The following ANKRD31 variants were observed in gnomAD, a reference collection of about 807,000 sequenced individuals.
ANKRD31 encodes the protein ankyrin repeat domain 31.
In ANKRD31, 147 loss-of-function variants were observed where a neutral mutation model predicts 186.0. That is an observed-to-expected ratio of 0.79 (90% CI 0.69 to 0.91). ANKRD31 has a LOEUF of 0.91. Ranked by LOEUF, ANKRD31 falls within the 40% of genes least tolerant of loss-of-function variation. The probability of loss-of-function intolerance (pLI) is 0.00; values close to 1 mark genes in which losing one functional copy is unlikely to be tolerated. For missense variants in ANKRD31, 1,986 were observed against 2,148.8 expected (o/e 0.92, Z 1.50); for synonymous variants, 673 against 736.4 (o/e 0.91, Z 1.39).
At chr5:75,089,414 C>G (rs1745759246) in intron 23 of ANKRD31, among the ~76,000 whole-genome samples, 1 of 152,186 alleles carries the variant, frequency 6.6e-6, no homozygotes, top group Admixed American at 6.5e-5. Context: ...GACCACCAAC[C>G]ACTCCTGGTC....
At chr5:75,103,169 A>T (rs1245029978) in intron 22 of ANKRD31, among the ~76,000 whole-genome samples, 1 of 152,200 alleles carries the variant, frequency 6.6e-6, no homozygotes, top group Non-Finnish European at 1.5e-5. Flanking sequence ...CCATTTATTA[A>T]ATAGGGAATC....
chr5:75,228,372 C>CT (rs1757758931), intron 2 of ANKRD31, among the ~76,000 whole-genome samples: 1 of 152,060 alleles, frequency 6.6e-6, no homozygotes. Context: ...AATTTTATAA[C>CT]TTTTTTTGTA....
At chr5:75,100,135 T>C (rs939824245) in intron 22 of ANKRD31, among the ~76,000 whole-genome samples, 1 of 152,218 alleles carries the variant, frequency 6.6e-6, no homozygotes, top group African/African-American at 2.4e-5. Flanking sequence ...TCTGTTCTCA[T>C]TGGTTTCCAA....
At chr5:75,110,152 G>A (rs1747654054) in intron 20 of ANKRD31, among the ~76,000 whole-genome samples, 1 of 152,130 alleles carries the variant, frequency 6.6e-6, no homozygotes, top group African/African-American at 2.4e-5. Flanking sequence ...ACAAAAACCT[G>A]GGGGTGGTGG....
intron 22 of ANKRD31, among the ~76,000 whole-genome samples, chr5:75,093,162 T>A (rs1319001980): frequency 6.6e-6 from 1 of 151,752 alleles, no homozygotes; most frequent in African/African-American, 2.4e-5. Context: ...GCAGAAAAAA[T>A]ATTTGAAGAA....
At chr5:75,157,769 C>T (rs1340372093) in intron 11 of ANKRD31, among the ~76,000 whole-genome samples, 1 of 152,098 alleles carries the variant, frequency 6.6e-6, no homozygotes, top group Admixed American at 6.6e-5. Flanking sequence ...GGTAAACTCA[C>T]AAGGTTTTTT....
At position 75,146,305 on chromosome 5, in the gene ANKRD31, C is replaced by T. The variant is rs1286488971; in HGVS notation, c.3106G>A (p.Asp1036Asn). 3.3e-6 allele frequency: 5 copies of T among 1,536,456 alleles called. No homozygotes were observed. Among genetic ancestry groups the T allele is most frequent in the Non-Finnish European group, 4.4e-6 (5 of 1,146,448 alleles). The change falls in exon 14 of 26, where the codon GAT becomes AAT. Residue 1036 changes from aspartate to asparagine, a missense_variant. Coordinates refer to ENST00000506364, the MANE Select transcript of ANKRD31 (RefSeq NM_001372053.1). Reference protein sequence around the residue: ...NHVELFKKPQDYIPRAPTFLM... With the variant: ...NHVELFKKPQNYIPRAPTFLM... Reference sequence around the variant, plus strand: ...AAAGTTGGTGCTCTGGGAATATAATCCTGTGGCTTTTTGAATAGCTCCACA... The same window carrying T: ...AAAGTTGGTGCTCTGGGAATATAATTCTGTGGCTTTTTGAATAGCTCCACA...
At chr5:75,235,747 C>T (rs1758229115) in intron 1 of ANKRD31, among the ~76,000 whole-genome samples, 1 of 152,178 alleles carries the variant, frequency 6.6e-6, no homozygotes, top group African/African-American at 2.4e-5. Context: ...GAAAAGGGAT[C>T]GGTATTGCCT....
At chr5:75,119,584 G>A (rs1451601601) in intron 17 of ANKRD31, among the ~76,000 whole-genome samples, 1 of 152,180 alleles carries the variant, frequency 6.6e-6, no homozygotes, top group Non-Finnish European at 1.5e-5. Flanking sequence ...CTTTTTGGTA[G>A]AACAATTTGT....
chr5:75,168,387 G>GA (rs1753074562), intron 11 of ANKRD31, among the ~76,000 whole-genome samples: 1 of 152,052 alleles, frequency 6.6e-6, no homozygotes, highest in South Asian at 2.1e-4. Context: ...CCCAGGGCCA[G>GA]AAAAAATGTG....
chr5:75,196,118 T>C lies in ANKRD31; in HGVS notation c.530A>G (p.Lys177Arg). ...AITVSDTVAV[K>R]ETSLVEPEKI... ...CTCTGGCTCTACTAATGATGTCTCCTTTACAGCAACTGTATCAGATACTGT... is the reference window on the plus strand; with the variant it reads ...CTCTGGCTCTACTAATGATGTCTCCCTTACAGCAACTGTATCAGATACTGT... The change falls in exon 7 of 26, where the codon AAG (lysine) becomes AGG (arginine). Residue 177 changes from lysine to arginine, a missense_variant. Lys to Arg is a conservative substitution (Grantham distance 26). Transcript: ENST00000506364. The C allele has an allele frequency of 6.5e-7, 1 of 1,535,514 alleles. No homozygotes were observed. The highest frequency in any genetic ancestry group is 1.7e-4 in the Middle Eastern group (1 of 5,970).
At chr5:75,088,909 T>G (rs1380680216) in intron 23 of ANKRD31, among the ~76,000 whole-genome samples, 3 of 152,184 alleles carry the variant, frequency 2.0e-5, no homozygotes, top group African/African-American at 7.2e-5. Context: ...ACTACTTATT[T>G]TATACATAAG....
chr5:75,215,971 T>C (rs575037686), intron 3 of ANKRD31, among the ~76,000 whole-genome samples: 2 of 152,174 alleles, frequency 1.3e-5, no homozygotes, highest in Non-Finnish European at 2.9e-5. Flanking sequence ...TAGAAAATAG[T>C]ATTAATTAAA....
intron 10 of ANKRD31, among the ~76,000 whole-genome samples, chr5:75,181,033 C>CA (rs34106464): frequency 7.4e-4 from 104 of 139,848 alleles, no homozygotes; most frequent in Middle Eastern, 3.6e-3. Context: ...AACAAATTTA[C>CA]AAAAAAAAAA....
At chr5:75,141,260 C>T (rs548590483) in intron 15 of ANKRD31, among the ~76,000 whole-genome samples, 1 of 152,224 alleles carries the variant, frequency 6.6e-6, no homozygotes, top group African/African-American at 2.4e-5. Context: ...ATCTCTTCCA[C>T]TGGCACCCAG....
At chr5:75,108,542 T>A (rs904905777) in intron 20 of ANKRD31, among the ~76,000 whole-genome samples, 20 of 152,122 alleles carry the variant, frequency 1.3e-4, no homozygotes, top group Admixed American at 9.8e-4. Flanking sequence ...TTTCTTAAAA[T>A]TTTTCCTAAT....
intron 10 of ANKRD31, among the ~76,000 whole-genome samples, chr5:75,181,655 G>A (rs1231702293): frequency 6.8e-6 from 1 of 146,674 alleles, no homozygotes; most frequent in Non-Finnish European, 1.5e-5. Flanking sequence ...AACACCGCAT[G>A]TTCTCACTCA....
intron 22 of ANKRD31, among the ~76,000 whole-genome samples, chr5:75,095,997 C>T (rs1451716215): frequency 1.3e-5 from 2 of 152,124 alleles, no homozygotes; most frequent in Non-Finnish European, 2.9e-5. Context: ...TAACAGGCGT[C>T]TATAGAAAAC....
At chr5:75,100,751 C>CTT (rs1580325628) in intron 22 of ANKRD31, among the ~76,000 whole-genome samples, 1 of 151,862 alleles carries the variant, frequency 6.6e-6, no homozygotes, top group Admixed American at 6.6e-5. Flanking sequence ...GCAACCTCTG[C>CTT]TTTTTTCTGT....
Sources: gnomAD v4.1 joint callset for allele counts (sites outside exome capture counted in the v4.1 genomes callset) on GRCh38, gnomAD v4.1.1 for gene constraint, MANE v1.5 for transcripts, NCBI Gene and HGNC (gene_info 2026-07-23, HGNC 2026-07-21) for gene names.